The following CKMT2 variants were observed in gnomAD, a reference collection of about 807,000 sequenced individuals.
CKMT2 encodes creatine kinase S-type, mitochondrial.
A neutral mutation model predicts 48.9 loss-of-function variants in CKMT2; 43 were observed. The ratio of observed to expected loss-of-function variants is 0.88; its 90% CI spans 0.69 to 1.13. The LOEUF (loss-of-function observed/expected upper bound fraction) is 1.13, where lower values mean the gene tolerates loss of function less well. Ranked by LOEUF, CKMT2 falls within the 50% of genes most tolerant of loss-of-function variation. CKMT2 has a pLI of 0.00. For synonymous variants in CKMT2, 206 were observed against 213.0 expected (o/e 0.97, Z 0.29); for missense variants, 472 against 555.4 (o/e 0.85, Z 1.51).
chr5:81,238,280 G>A lies in CKMT2; in HGVS notation c.-21+4903G>A, dbSNP rs548235377. 3 of 152,284 alleles carry A rather than the reference G, an allele frequency of 2.0e-5. No individual in the cohort carries two copies. In the South Asian group the frequency reaches 6.2e-4, roughly 31 times the overall value. 9.4% of individuals were successfully genotyped at this position (152,284 alleles called of 1,614,324 possible). On this transcript the variant is annotated intron_variant, in intron 1 of 9. Coordinates refer to ENST00000254035, the MANE Select transcript of CKMT2 (RefSeq NM_001099735.2). ...ACCCGGGAGGCGGAGCTTGCAGTGA[G>A]CAGAGATCGCGCCACTGCACTCCAG...
rs754569625 is a variant in CKMT2, at chr5:81,255,010, C to G, written c.465C>G (p.Phe155Leu). ...CTTGGCAGATCACCCAAGGGCAGTTCGACGAGCATTACGTGCTGTCTTCTC... is the reference window on the plus strand; with the variant it reads ...CTTGGCAGATCACCCAAGGGCAGTTGGACGAGCATTACGTGCTGTCTTCTC... ...LDASKITQGQ[F>L]DEHYVLSSRV... Residue 155 changes from phenylalanine (F) to leucine (L), a missense_variant, in exon 5 of 10, where the codon TTC (phenylalanine) becomes TTG (leucine). Physicochemically the swap from Phe to Leu is conservative, Grantham distance 22. Coordinates refer to ENST00000254035, the MANE Select transcript of CKMT2 (RefSeq NM_001099735.2). The G allele has an allele frequency of 1.2e-6, 2 of 1,613,948 alleles. No individual in the cohort carries two copies. The highest frequency in any genetic ancestry group is 8.5e-7 in the Non-Finnish European group (1 of 1,179,964).
chr5:81,245,897 A>G (rs1756592566), intron 1 of CKMT2, among the ~76,000 whole-genome samples: 2 of 152,088 alleles, frequency 1.3e-5, no homozygotes, highest in African/African-American at 4.8e-5. Context: ...TAACGGCCTC[A>G]CCACCCGCCC....
rs553897061 is a variant in CKMT2, at chr5:81,257,199, T to G, written c.755+199T>G. On this transcript the variant is annotated intron_variant, in intron 6 of 9. Coordinates refer to ENST00000254035, the MANE Select transcript of CKMT2 (RefSeq NM_001099735.2). ...GTGTGTGTGTCTAAGCATTGTGGTG[T>G]TTCTAAGATGTGTAGAAATATGACC... 6.6e-5 allele frequency among the ~76,000 whole-genome samples: 10 copies of G among 151,602 alleles called. No individual in the cohort carries two copies. The South Asian group carries it at 2.1e-3, about 32-fold the overall frequency.
At position 81,251,101 on chromosome 5, in the gene CKMT2, T is replaced by C. The variant is rs1164890995; in HGVS notation, c.-20-12T>C. 1 of 1,610,866 alleles carries C rather than the reference T, an allele frequency of 6.2e-7. No individual in the cohort carries two copies. The highest frequency in any genetic ancestry group is 8.5e-7 in the Non-Finnish European group (1 of 1,178,128). ...CTATGAAGCTATCTAATCCAGCTTC[T>C]TTGCTTTCCAGACACTCATCCAAGA... On this transcript the variant is annotated splice_polypyrimidine_tract_variant and intron_variant, in intron 1 of 9. Transcript: ENST00000254035.
rs562475042 is a variant in CKMT2 at position 81,243,389 on chromosome 5, G to A, written c.-20-7724G>A. ...GAAAGATGGACAACAGAGTCCAAAC[G>A]GTAGGGGGTGATAAGAAGCAAGAAA... On this transcript the variant is annotated intron_variant, in intron 1 of 9. Coordinates refer to ENST00000254035, the MANE Select transcript of CKMT2 (RefSeq NM_001099735.2). Among the ~76,000 whole-genome samples the A allele has an allele frequency of 5.3e-5, 8 of 152,226 alleles. No individual in the cohort carries two copies. The East Asian group carries it at 7.7e-4, about 15-fold the overall frequency.
At chr5:81,245,396 G>A (rs1053525358) in intron 1 of CKMT2, 1 of 152,202 alleles carries the variant, frequency 6.6e-6, no homozygotes, top group Non-Finnish European at 1.5e-5. Context: ...TCATAGAGGA[G>A]TATCTGGCTT....
chr5:81,258,916 T>TTACATGGTTCATTTAACTTAATTG (rs1335798507), intron 7 of CKMT2, among the ~76,000 whole-genome samples: 35 of 152,184 alleles, frequency 2.3e-4, no homozygotes, highest in Admixed American at 9.8e-4. Flanking sequence ...GACCACTGCT[T>TTACATGGTTCATTTAACTTAATTG]TACATGGTTC....
In CKMT2 at chr5:81,266,111, T is replaced by C. The variant is rs547763988; in HGVS notation, c.1141-28T>C. 6 of 1,607,778 alleles carry C rather than the reference T, an allele frequency of 3.7e-6. No homozygotes were observed. The East Asian group carries it at 8.9e-5, about 24-fold the overall frequency. On this transcript the variant is annotated intron_variant, in intron 9 of 9. Coordinates refer to ENST00000254035, the MANE Select transcript of CKMT2 (RefSeq NM_001099735.2). ...GCCCTGCAGATGCTTCTATTCAAAT[T>C]AATCATTCATCTTCTTCACTGTCAA... is the stretch of plus-strand genomic sequence containing the variant.
In CKMT2 at chr5:81,264,243, T is replaced by C. The variant is rs1398815952; in HGVS notation, c.1140+627T>C. Reference sequence around the variant, plus strand: ...CAATGAATGAGGCAAAAAGATCACATGTAAGGAACATGCAGCTGAATGCTA... The same window carrying C: ...CAATGAATGAGGCAAAAAGATCACACGTAAGGAACATGCAGCTGAATGCTA... On this transcript the variant is annotated intron_variant, in intron 9 of 9. Coordinates refer to ENST00000254035, the MANE Select transcript of CKMT2 (RefSeq NM_001099735.2). Among the ~76,000 whole-genome samples the C allele has an allele frequency of 4.6e-5, 7 of 152,320 alleles. No individual in the cohort carries two copies. In the East Asian group the frequency reaches 1.2e-3, roughly 25 times the overall value.
intron 3 of CKMT2, 136 bp from the exon 4 acceptor site, chr5:81,254,260 A>T: frequency 1.5e-6 from 1 of 651,852 alleles, no homozygotes; most frequent in South Asian, 1.8e-5. Flanking sequence ...TCCATTTCCT[A>T]TATGATAGTC....
At chr5:81,248,323 G>A (rs1315979536) in intron 1 of CKMT2, among the ~76,000 whole-genome samples, 3 of 152,230 alleles carry the variant, frequency 2.0e-5, no homozygotes, top group Admixed American at 6.5e-5. Flanking sequence ...GGCCCATACT[G>A]CCTGGAAAGA....
In CKMT2 at chr5:81,251,192, C is replaced by T; in HGVS notation, c.60C>T (p.Thr20=). 1 of 1,614,158 alleles carries T rather than the reference C, an allele frequency of 6.2e-7. No individual in the cohort carries two copies. Among genetic ancestry groups the T allele is most frequent in the Non-Finnish European group, 8.5e-7 (1 of 1,180,002 alleles). Residue 20 remains threonine, a synonymous_variant, in exon 2 of 10, where the codon ACC becomes ACT. Coordinates refer to ENST00000254035, the MANE Select transcript of CKMT2 (RefSeq NM_001099735.2). Reference sequence around the variant, plus strand: ...GCAATGCTTCTCTGCTGTTTGCTACCATGGGCACCAGTGTCCTGACCACCG... The same window carrying T: ...GCAATGCTTCTCTGCTGTTTGCTACTATGGGCACCAGTGTCCTGACCACCG... ...TGRNASLLFA[T]MGTSVLTTGY...
Position 81,263,541 on chromosome 5 carries a change from C to T in CKMT2, c.1065C>T (p.Gly355=). 2 of 1,613,102 alleles carry T rather than the reference C, an allele frequency of 1.2e-6. No homozygotes were observed. Among genetic ancestry groups the T allele is most frequent in the Middle Eastern group, 1.7e-4 (1 of 6,052 alleles). ...AAAACCTAAGACTCCAGAAGCGTGG[C>T]ACAGGTGGTGTGGACACTGCCGCGG... The part of the protein sequence containing the change: ...ILENLRLQKR[G]TGGVDTAAVA... The change falls in exon 9 of 10, where the codon GGC becomes GGT. Residue 355 remains glycine, a synonymous_variant. Coordinates refer to ENST00000254035, the MANE Select transcript of CKMT2 (RefSeq NM_001099735.2).
At chr5:81,250,059 T>A (rs1378979739) in intron 1 of CKMT2, among the ~76,000 whole-genome samples, 2 of 152,248 alleles carry the variant, frequency 1.3e-5, no homozygotes, top group African/African-American at 4.8e-5. Flanking sequence ...ACTTCTCTGT[T>A]TATTCTCTCT....
intron 1 of CKMT2, among the ~76,000 whole-genome samples, 186 bp downstream of exon 1, chr5:81,233,563 C>T (rs1561272907): frequency 1.3e-5 from 2 of 152,170 alleles, no homozygotes; most frequent in Non-Finnish European, 2.9e-5. Flanking sequence ...GAAGCGACCC[C>T]TCCTCCCTGC....
chr5:81,234,377 G>A (rs549097386), intron 1 of CKMT2, among the ~76,000 whole-genome samples: 1 of 152,132 alleles, frequency 6.6e-6, no homozygotes, highest in Non-Finnish European at 1.5e-5. Context: ...TTCCAGAAGG[G>A]CTGCTTTTCC....
chr5:81,236,500 C>CTGAT (rs770073530), intron 1 of CKMT2, among the ~76,000 whole-genome samples: 1 of 152,124 alleles, frequency 6.6e-6, no homozygotes, highest in African/African-American at 2.4e-5. Flanking sequence ...GTTACATAGA[C>CTGAT]TGATTGTGTT....
Position 81,254,994 on chromosome 5 carries a change from T to C in CKMT2, c.449T>C (p.Ile150Thr). 6.2e-7 allele frequency: 1 copy of C among 1,613,440 alleles called. No individual in the cohort carries two copies. The highest frequency in any genetic ancestry group is 8.5e-7 in the Non-Finnish European group (1 of 1,179,748). ...KHTTDLDASK[I>T]TQGQFDEHYV... ...GTGACCCCACAGTCTGCTTGGCAGA[T>C]CACCCAAGGGCAGTTCGACGAGCAT... The change falls in exon 5 of 10, where the codon ATC (isoleucine) becomes ACC (threonine). Residue 150 changes from isoleucine to threonine, a missense_variant and splice_region_variant. Transcript: ENST00000254035.
rs558341899 is a variant in CKMT2 at position 81,235,292 on chromosome 5, G to GT, written c.-21+1916dup. ...TGGCTGCGTACTAAGTGGTTTTGAGGTAACGCACACCCTTTGCTATCTTAG... is the reference window on the plus strand; with the variant it reads ...TGGCTGCGTACTAAGTGGTTTTGAGGTTAACGCACACCCTTTGCTATCTTAG... On this transcript the variant is annotated intron_variant, in intron 1 of 9. Transcript: ENST00000254035. Among the ~76,000 whole-genome samples, 589 of 152,270 alleles carry GT rather than the reference G, an allele frequency of 3.9e-3. 1 individual carries two copies. The highest frequency in any genetic ancestry group is 5.6e-3 in the Admixed American group (86 of 15,300).
Sources: allele counts gnomAD v4.1 joint callset (sites outside exome capture counted in the v4.1 genomes callset), GRCh38; gene constraint gnomAD v4.1.1; transcripts MANE v1.5; gene names NCBI Gene and HGNC (gene_info 2026-07-23, HGNC 2026-07-21).